The following EDARADD variants were observed in gnomAD, a reference collection of about 807,000 sequenced individuals.
EDARADD encodes the protein EDAR associated via death domain.
EDARADD carries 20 observed loss-of-function variants against 25.6 expected under a neutral mutation model. The observed-to-expected ratio is 0.78, with a 90% CI of 0.55 to 1.14. The LOEUF is 1.14. Ranked by LOEUF, EDARADD falls within the 50% of genes most tolerant of loss-of-function variation. The pLI, the probability that EDARADD is intolerant of heterozygous loss-of-function variation, is 0.00. For missense variants in EDARADD, 225 were observed against 270.1 expected (o/e 0.83, Z 1.17); for synonymous variants, 86 against 94.4 (o/e 0.91, Z 0.52).
At chr1:236,481,654 C>T (rs1659674801) in intron 5 of EDARADD, among the ~76,000 whole-genome samples, 2 of 151,214 alleles carry the variant, frequency 1.3e-5, no homozygotes, top group South Asian at 4.2e-4. Context: ...TGGTACGTGC[C>T]TGTAGTCCCA....
intron 3 of EDARADD, among the ~76,000 whole-genome samples, chr1:236,383,274 A>G (rs185833077): frequency 1.0e-3 from 152 of 152,014 alleles, no homozygotes; most frequent in Non-Finnish European, 1.3e-4. Context: ...GCATGCCTGT[A>G]GTCCCAGCTA....
Position 236,483,136 on chromosome 1 carries a change from C to A in EDARADD, c.*487C>A. Reference sequence around the variant, plus strand: ...CAGCACCCTCCACTTCTCTCCTAGGCAATGAGACCCAGTGGCTAGAAATTC... The same window carrying A: ...CAGCACCCTCCACTTCTCTCCTAGGAAATGAGACCCAGTGGCTAGAAATTC... On this transcript the variant is annotated 3_prime_UTR_variant, in exon 6 of 6. Coordinates refer to ENST00000334232, the MANE Select transcript of EDARADD (RefSeq NM_145861.4). 7.0e-7 allele frequency: 1 copy of A among 1,422,352 alleles called. No individual in the cohort carries two copies. The highest frequency in any genetic ancestry group is 9.9e-7 in the Non-Finnish European group (1 of 1,012,152). 88.1% of individuals were successfully genotyped at this position (1,422,352 alleles called of 1,614,324 possible).
chr1:236,471,433 A>G (rs1236087832), intron 5 of EDARADD, among the ~76,000 whole-genome samples: 1 of 151,940 alleles, frequency 6.6e-6, no homozygotes, highest in Non-Finnish European at 1.5e-5. Flanking sequence ...TTATATTTTA[A>G]ATATGTTTAT....
intron 3 of EDARADD, among the ~76,000 whole-genome samples, chr1:236,364,714 A>G (rs115273304): frequency 1.9e-3 from 284 of 147,286 alleles, no homozygotes; most frequent in African/African-American, 7.1e-3. Flanking sequence ...TAAACAGAAT[A>G]TAATTCATTT....
intron 2 of EDARADD, among the ~76,000 whole-genome samples, chr1:236,411,121 G>C (rs1267557414): frequency 6.6e-6 from 1 of 151,928 alleles, no homozygotes; most frequent in African/African-American, 2.4e-5. Context: ...CCCTCCCTTG[G>C]AGCTATGTCC....
At chr1:236,466,448 C>CACACAG (rs1457139319) in intron 4 of EDARADD, among the ~76,000 whole-genome samples, 1 of 151,848 alleles carries the variant, frequency 6.6e-6, no homozygotes, top group African/African-American at 2.4e-5. Context: ...TAAACACACA[C>CACACAG]ACACACACAC....
intron 5 of EDARADD, among the ~76,000 whole-genome samples, chr1:236,475,247 C>T (rs918157674): frequency 6.6e-6 from 1 of 152,180 alleles, no homozygotes; most frequent in Admixed American, 6.5e-5. Flanking sequence ...CTCCCCTCTC[C>T]GAGGCATTAC....
Position 236,464,293 on chromosome 1 carries a change from G to A in EDARADD, c.220-3938G>A, listed in dbSNP as rs556157581. 7.9e-4 allele frequency among the ~76,000 whole-genome samples: 116 copies of A among 146,958 alleles called. 2 individuals are homozygous for A. The South Asian group carries it at 8.0e-3, about 10-fold the overall frequency. On this transcript the variant is annotated intron_variant, in intron 4 of 5. Transcript: ENST00000334232. ...GAGATGGAGTCTCGCTCTGTCACCC[G>A]GGCTGGAGTGCAGTGGTTCAATGAT...
chr1:236,439,226 A>G (rs1470662806), intron 4 of EDARADD, among the ~76,000 whole-genome samples: 1 of 152,208 alleles, frequency 6.6e-6, no homozygotes, highest in Non-Finnish European at 1.5e-5. Flanking sequence ...GTCTGTATGT[A>G]CCACAGTCTA....
intron 4 of EDARADD, among the ~76,000 whole-genome samples, chr1:236,447,166 CTCCCTCTTTCTTTCTT>C (rs1219495437): frequency 1.2e-3 from 133 of 115,078 alleles, no homozygotes; most frequent in East Asian, 3.0e-3. Context: ...CCCTCCCTCC[CTCCCTCTTTCTTTCTT>C]TCTTTCTTTC....
In EDARADD at chr1:236,421,215, A is replaced by G. The variant is rs1170396384; in HGVS notation, c.161-6177A>G. Among the ~76,000 whole-genome samples, 8 of 147,052 alleles carry G rather than the reference A, an allele frequency of 5.4e-5. 1 individual carries two copies. Among genetic ancestry groups the G allele is most frequent in the African/African-American group, 2.0e-4 (8 of 40,216 alleles). On this transcript the variant is annotated intron_variant, in intron 3 of 5. Transcript: ENST00000334232. The stretch of plus-strand genomic sequence containing the variant: ...GACACTGTGCGTCATGCAGGGCCAC[A>G]TGGAGGTTGCACTTAGGAGCAGAGC...
chr1:236,435,456 C>A (rs1200986438), intron 4 of EDARADD, among the ~76,000 whole-genome samples: 2 of 152,160 alleles, frequency 1.3e-5, no homozygotes, highest in African/African-American at 2.4e-5. Context: ...GTCCCAATAA[C>A]TGTGTATTGA....
At chr1:236,384,631 C>G (rs1191075298) in intron 3 of EDARADD, among the ~76,000 whole-genome samples, 1 of 151,944 alleles carries the variant, frequency 6.6e-6, no homozygotes, top group Non-Finnish European at 1.5e-5. Flanking sequence ...CTCAAGTGAT[C>G]CTCCCACCTC....
intron 3 of EDARADD, among the ~76,000 whole-genome samples, chr1:236,364,930 T>C (rs1422015203): frequency 6.6e-6 from 1 of 152,212 alleles, no homozygotes; most frequent in East Asian, 1.9e-4. Flanking sequence ...CTGAATAGAA[T>C]TGGTGAAAGC....
intron 1 of EDARADD, among the ~76,000 whole-genome samples, chr1:236,407,864 C>T (rs1667765162): frequency 6.6e-6 from 1 of 152,158 alleles, no homozygotes; most frequent in Admixed American, 6.5e-5. Context: ...TAAATTCCTT[C>T]AATGCATCAA....
At chr1:236,405,735 TTCTTTC>T (rs1356257643) in intron 1 of EDARADD, among the ~76,000 whole-genome samples, 8 of 37,780 alleles carry the variant, frequency 2.1e-4, no homozygotes, top group Admixed American at 1.2e-3. Flanking sequence ...TTTTCTTTCT[TTCTTTC>T]TTTCTTTCTT....
intron 4 of EDARADD, among the ~76,000 whole-genome samples, chr1:236,428,772 G>T (rs1475731666): frequency 6.6e-6 from 1 of 151,132 alleles, no homozygotes; most frequent in Non-Finnish European, 1.5e-5. Context: ...CACTTTGGGA[G>T]GCCAAGGCAG....
At chr1:236,356,882 G>A (rs987146328) in intron 3 of EDARADD, among the ~76,000 whole-genome samples, 50 of 152,162 alleles carry the variant, frequency 3.3e-4, no homozygotes, top group African/African-American at 1.1e-3. Flanking sequence ...TCAGGAGTTC[G>A]AGACCAGCCT....
At chr1:236,367,084 C>CAAAAAAAAAA (rs753983803) in intron 3 of EDARADD, among the ~76,000 whole-genome samples, 2 of 61,960 alleles carry the variant, frequency 3.2e-5, no homozygotes, top group Admixed American at 2.1e-4. Flanking sequence ...ACTCCATCGC[C>CAAAAAAAAAA]AAAAAAAAAA....
Sources: allele counts gnomAD v4.1 joint callset (sites outside exome capture counted in the v4.1 genomes callset), GRCh38; gene constraint gnomAD v4.1.1; transcripts MANE v1.5; gene names NCBI Gene and HGNC (gene_info 2026-07-23, HGNC 2026-07-21).